The following ERC1 variants were observed in gnomAD, a reference collection of about 807,000 sequenced individuals.
The protein encoded by ERC1 is RAB6 interacting protein 2.
ERC1 carries 56 observed loss-of-function variants against 132.0 expected under a neutral mutation model. The observed-to-expected ratio is 0.42, with a 90% confidence interval of 0.34 to 0.53. ERC1 has a LOEUF of 0.53. Ranked by LOEUF, ERC1 falls within the 20% of genes least tolerant of loss-of-function variation. The pLI is 0.03. For synonymous variants in ERC1, 478 were observed against 476.1 expected (o/e 1.00, Z -0.05); for missense variants, 1,202 against 1,349.9 (o/e 0.89, Z 1.72).
intron 1 of ERC1, among the ~76,000 whole-genome samples, chr12:1,018,668 A>G (rs958047576): frequency 8.5e-5 from 13 of 152,236 alleles, no homozygotes; most frequent in Admixed American, 2.0e-4. Flanking sequence ...TTTTAAATGT[A>G]TATGAACTAT....
chr12:991,380 C>T lies in ERC1; in HGVS notation c.-157+58C>T, dbSNP rs549186726. The T allele has an allele frequency of 4.5e-3, 700 of 156,114 alleles. 4 individuals are homozygous for T. The highest frequency in any genetic ancestry group is 0.011 in the South Asian group (62 of 5,726). The allele number at this position is 156,114 out of a possible 1,614,324, so 9.7% of individuals were successfully genotyped here. Reference sequence around the variant, plus strand: ...AAGTCGCGCGGGACCCAGAGCTTCCCCCCTGTCGCTAGTGCTGAGGCTTTC... The same window carrying T: ...AAGTCGCGCGGGACCCAGAGCTTCCTCCCTGTCGCTAGTGCTGAGGCTTTC... On this transcript the variant is annotated intron_variant, in intron 1 of 18. Transcript: ENST00000360905.
intron 17 of ERC1, among the ~76,000 whole-genome samples, chr12:1,411,316 A>C (rs78628701): frequency 3.9e-5 from 6 of 152,154 alleles, no homozygotes; most frequent in African/African-American, 1.4e-4. Flanking sequence ...CACTCCCTGG[A>C]TTCACTGCCC....
At chr12:1,331,231 T>C (rs1273712100) in intron 15 of ERC1, among the ~76,000 whole-genome samples, 1 of 152,226 alleles carries the variant, frequency 6.6e-6, no homozygotes, top group Non-Finnish European at 1.5e-5. Context: ...TTTACCTGTT[T>C]TGTGTTATAT....
At chr12:1,003,383 A>G (rs993096324) in intron 1 of ERC1, among the ~76,000 whole-genome samples, 2 of 152,194 alleles carry the variant, frequency 1.3e-5, no homozygotes, top group African/African-American at 4.8e-5. Flanking sequence ...ATTTTCCATT[A>G]CTTGTTGGTA....
intron 12 of ERC1, among the ~76,000 whole-genome samples, chr12:1,199,786 G>GAA (rs374004649): frequency 2.3e-5 from 3 of 129,068 alleles, no homozygotes; most frequent in African/African-American, 8.7e-5. Context: ...TCTCAGAAAA[G>GAA]AAAAAAAAAA....
intron 15 of ERC1, among the ~76,000 whole-genome samples, chr12:1,350,628 T>G (rs2084910969): frequency 6.6e-6 from 1 of 152,220 alleles, no homozygotes; most frequent in African/African-American, 2.4e-5. Flanking sequence ...GTGTACAAGA[T>G]TTCTTCCTGT....
At chr12:1,160,117 A>G (rs957810135) in intron 8 of ERC1, among the ~76,000 whole-genome samples, 1 of 152,130 alleles carries the variant, frequency 6.6e-6, no homozygotes, top group African/African-American at 2.4e-5. Context: ...TGACTAACAA[A>G]TCGTTTAGAC....
chr12:1,458,572 T>C lies in ERC1; in HGVS notation c.3213+13822T>C, dbSNP rs150965506. 3.9e-3 allele frequency among the ~76,000 whole-genome samples: 598 copies of C among 151,662 alleles called. 4 individuals carry two copies. Among genetic ancestry groups the C allele is most frequent in the African/African-American group, 0.014 (560 of 41,288 alleles). ...TTTTTGAGATGGAGTTTCGCTCTTG[T>C]TGCCCAGGCTGAAGTGCAATGGCAC... On this transcript the variant is annotated intron_variant, in intron 18 of 18. Transcript: ENST00000360905.
At chr12:1,162,009 C>T (rs1255011286) in intron 8 of ERC1, among the ~76,000 whole-genome samples, 2 of 152,110 alleles carry the variant, frequency 1.3e-5, no homozygotes, top group African/African-American at 2.4e-5. Context: ...TTATGGTAAT[C>T]GCTGGGTTAT....
rs1555186097 is a variant in ERC1, at chr12:991,274, C to CGGCGGTAGTGGCGGCGGCGGCGGTGCCCG, written c.-199_-198insAGTGGCGGCGGCGGCGGTGCCCGGGCGGT. Reference sequence around the variant, plus strand: ...GCGGCGGCGGCGGTAGTGGCGGCGGCGGCGGTGCCTGGGCGGCAGCAGCAG... The same window carrying CGGCGGTAGTGGCGGCGGCGGCGGTGCCCG: ...GCGGCGGCGGCGGTAGTGGCGGCGGCGGCGGTAGTGGCGGCGGCGGCGGTGCCCGGGCGGTGCCTGGGCGGCAGCAGCAG... On this transcript the variant is annotated 5_prime_UTR_variant, in exon 1 of 19. Transcript: ENST00000360905. 1 of 165,444 alleles carries CGGCGGTAGTGGCGGCGGCGGCGGTGCCCG rather than the reference C, an allele frequency of 6.0e-6. No individual in the cohort carries two copies. Among genetic ancestry groups the CGGCGGTAGTGGCGGCGGCGGCGGTGCCCG allele is most frequent in the Non-Finnish European group, 1.2e-5 (1 of 80,202 alleles). The allele number at this position is 165,444 out of a possible 1,614,324, so 10.2% of individuals were successfully genotyped here.
intron 9 of ERC1, 108 bp from the exon 10 acceptor site, chr12:1,181,817 T>TA: frequency 8.4e-7 from 1 of 1,195,092 alleles, no homozygotes; most frequent in Non-Finnish European, 1.1e-6. Flanking sequence ...TTTAAAAACT[T>TA]ACCATTGTCT....
intron 15 of ERC1, among the ~76,000 whole-genome samples, chr12:1,328,115 A>G (rs961034473): frequency 6.6e-5 from 10 of 151,954 alleles, no homozygotes; most frequent in African/African-American, 2.4e-4. Flanking sequence ...TGCTTCTTCC[A>G]GGTTAATACT....
At chr12:1,038,721 A>T (rs1265618549) in intron 2 of ERC1, among the ~76,000 whole-genome samples, 2 of 152,148 alleles carry the variant, frequency 1.3e-5, no homozygotes, top group African/African-American at 4.8e-5. Context: ...AAGTTGCCCT[A>T]GGGAGTTCTT....
At chr12:1,225,408 C>A (rs921915882) in intron 12 of ERC1, among the ~76,000 whole-genome samples, 13 of 149,226 alleles carry the variant, frequency 8.7e-5, no homozygotes, top group African/African-American at 3.3e-4. Flanking sequence ...TATGATCACG[C>A]CACTCTACTA....
intron 15 of ERC1, among the ~76,000 whole-genome samples, chr12:1,309,998 A>T (rs1461480501): frequency 4.6e-5 from 7 of 151,204 alleles, no homozygotes; most frequent in Non-Finnish European, 7.4e-5. Context: ...CCCAGGCTGG[A>T]ATGCAATGGT....
chr12:1,405,150 AAT>A (rs1361078148), intron 16 of ERC1, among the ~76,000 whole-genome samples: 3 of 132,018 alleles, frequency 2.3e-5, no homozygotes, highest in African/African-American at 9.5e-5. Flanking sequence ...AAAAAATATA[AAT>A]AAATAAATAA....
intron 16 of ERC1, among the ~76,000 whole-genome samples, chr12:1,398,999 G>T (rs934136651): frequency 7.6e-6 from 1 of 132,340 alleles, no homozygotes; most frequent in South Asian, 2.5e-4. Context: ...AGGCTGGAGA[G>T]CAATGGTGCG....
intron 13 of ERC1, among the ~76,000 whole-genome samples, chr12:1,249,288 C>T (rs1397189902): frequency 1.3e-5 from 2 of 152,038 alleles, no homozygotes; most frequent in Admixed American, 1.3e-4. Flanking sequence ...AGGTAAATTC[C>T]AGCAACAGCA....
chr12:1,308,250 GT>G (rs771039941), intron 15 of ERC1, among the ~76,000 whole-genome samples: 3 of 151,908 alleles, frequency 2.0e-5, no homozygotes, highest in East Asian at 3.9e-4. Flanking sequence ...AATGGTAGCA[GT>G]TACTTCACAG....
Sources: allele counts gnomAD v4.1 joint callset (sites outside exome capture counted in the v4.1 genomes callset), GRCh38; gene constraint gnomAD v4.1.1; transcripts MANE v1.5; gene names NCBI Gene and HGNC (gene_info 2026-07-23, HGNC 2026-07-21).